LRRC2: variants seen among roughly 807,000 people sequenced by gnomAD.
LRRC2 encodes the protein leucine-rich repeat-containing protein 2.
Under a neutral mutation model 40.2 loss-of-function variants are expected in LRRC2, and 27 were observed. The ratio of observed to expected loss-of-function variants is 0.67; its 90% CI spans 0.49 to 0.93. The LOEUF is 0.93. LRRC2 is among the 40% of genes least tolerant of loss of function. The pLI is 0.00. For synonymous variants in LRRC2, 147 were observed against 158.9 expected, an observed-to-expected ratio of 0.92 and a Z score of 0.56; for missense variants, 402 against 439.6, an observed-to-expected ratio of 0.91 and a Z score of 0.76.
chr3:46,524,669 A>G (rs1313104628), intron 7 of LRRC2, among the ~76,000 whole-genome samples: 3 of 152,196 alleles, frequency 2.0e-5, no homozygotes, highest in African/African-American at 7.2e-5. Flanking sequence ...AGGCTGTTAT[A>G]AAGGATAAGT....
At position 46,532,834 on chromosome 3, in the gene LRRC2, CA is replaced by C. The variant is rs765842494; in HGVS notation, c.565del (p.Cys189ValfsTer4). 1.2e-6 allele frequency: 2 copies of C among 1,614,012 alleles called. No individual in the cohort carries two copies. The highest frequency in any genetic ancestry group is 1.7e-6 in the Non-Finnish European group (2 of 1,179,908). On this transcript the variant is annotated frameshift_variant, in exon 5 of 9. Coordinates refer to ENST00000395905, the MANE Select transcript of LRRC2 (RefSeq NM_024512.5). LOFTEE classifies it high-confidence loss of function. ...LKSIPPELGD[C>X]ENLERLDCSG... is the part of the protein sequence containing the mutation. ...ACAATCCAGTCTCTCTAGATTTTCACAATCTCCCAATTCTGGAGGAATGCTC... is the reference window on the plus strand; with the variant it reads ...ACAATCCAGTCTCTCTAGATTTTCACATCTCCCAATTCTGGAGGAATGCTC...
At chr3:46,530,277 T>C (rs1195170247) in intron 5 of LRRC2, among the ~76,000 whole-genome samples, 1 of 152,182 alleles carries the variant, frequency 6.6e-6, no homozygotes, top group Non-Finnish European at 1.5e-5. Context: ...GGATTTTATA[T>C]TGCTATAAAT....
intron 4 of LRRC2, among the ~76,000 whole-genome samples, chr3:46,538,460 C>A (rs1223120819): frequency 6.6e-6 from 1 of 151,856 alleles, no homozygotes; most frequent in Non-Finnish European, 1.5e-5. Flanking sequence ...CATGGTGAAA[C>A]CCCTTCTCTA....
intron 1 of LRRC2, among the ~76,000 whole-genome samples, chr3:46,564,489 G>A (rs1401569115): frequency 6.6e-6 from 1 of 152,154 alleles, no homozygotes; most frequent in Non-Finnish European, 1.5e-5. Context: ...TAGGTAGGAG[G>A]TGTGGAGTGG....
At chr3:46,529,676 C>T (rs1234210423) in intron 6 of LRRC2, among the ~76,000 whole-genome samples, 1 of 152,170 alleles carries the variant, frequency 6.6e-6, no homozygotes, top group East Asian at 1.9e-4. Context: ...TAAAGTTCAT[C>T]AGGACAATGA....
At chr3:46,556,233 T>C (rs572786843) in intron 1 of LRRC2, among the ~76,000 whole-genome samples, 45 of 151,794 alleles carry the variant, frequency 3.0e-4, no homozygotes, top group African/African-American at 1.1e-3. Flanking sequence ...AATCCTCCCA[T>C]CTCAGCCTCT....
At chr3:46,534,768 C>T (rs901831599) in intron 4 of LRRC2, among the ~76,000 whole-genome samples, 6 of 152,168 alleles carry the variant, frequency 3.9e-5, no homozygotes, top group African/African-American at 7.2e-5. Context: ...CTAGTAATCA[C>T]ACCTCCCTGA....
At chr3:46,557,694 G>C (rs1704839350) in intron 1 of LRRC2, 1 of 152,198 alleles carries the variant, frequency 6.6e-6, no homozygotes, top group Non-Finnish European at 1.5e-5. Flanking sequence ...GCACATCCAA[G>C]GAAGGGCCAA....
intron 5 of LRRC2, among the ~76,000 whole-genome samples, 174 bp downstream of exon 5, chr3:46,532,599 C>T (rs1476962564): frequency 1.5e-5 from 2 of 134,962 alleles, no homozygotes; most frequent in East Asian, 4.2e-4. Flanking sequence ...AGCAAGACTC[C>T]ACCTCAAAAA....
In LRRC2 at chr3:46,527,554, C is replaced by G. The variant is rs374252618; in HGVS notation, c.801G>C (p.Leu267Phe). The G allele has an allele frequency of 6.2e-7, 1 of 1,613,900 alleles. No homozygotes were observed. The highest frequency in any genetic ancestry group is 1.3e-5 in the African/African-American group (1 of 74,902). The stretch of plus-strand genomic sequence containing the variant: ...GAAGGTAGGTCAACTTGTTTTTATA[C>G]AAGAGAAAGCTCTGCAGCTCCTCTA... ...DRLEELQSFL[L>F]YKNKLTYLPY... is the part of the protein sequence containing the mutation. Residue 267 changes from leucine to phenylalanine, a missense_variant, in exon 7 of 9, where the codon TTG becomes TTC. Transcript: ENST00000395905.
intron 8 of LRRC2, among the ~76,000 whole-genome samples, chr3:46,520,285 T>G (rs914812893): frequency 6.6e-6 from 1 of 150,966 alleles, no homozygotes. Flanking sequence ...CCTATTTTCT[T>G]TCTTTCTTGG....
chr3:46,522,992 T>C (rs1159766457), intron 7 of LRRC2, among the ~76,000 whole-genome samples: 1 of 152,182 alleles, frequency 6.6e-6, no homozygotes, highest in African/African-American at 2.4e-5. Flanking sequence ...GGATTATAGA[T>C]GAGAGCTGTA....
intron 6 of LRRC2, among the ~76,000 whole-genome samples, chr3:46,529,443 T>G (rs1481616197): frequency 1.3e-5 from 2 of 152,178 alleles, no homozygotes; most frequent in Non-Finnish European, 1.5e-5. Flanking sequence ...ATATGTACAT[T>G]TTTAATTTGA....
intron 5 of LRRC2, among the ~76,000 whole-genome samples, chr3:46,531,780 C>T (rs563675235): frequency 6.6e-6 from 1 of 152,166 alleles, no homozygotes; most frequent in South Asian, 2.1e-4. Context: ...TTCCTCCTAC[C>T]CTGCAGCATT....
intron 2 of LRRC2, 84 bp from the exon 3 acceptor site, chr3:46,545,337 T>C: frequency 1.7e-6 from 2 of 1,163,042 alleles, no homozygotes; most frequent in Non-Finnish European, 1.3e-6. Flanking sequence ...CACCTGGGCA[T>C]AGGTGCTCTC....
intron 1 of LRRC2, among the ~76,000 whole-genome samples, chr3:46,552,213 T>C (rs13067782): frequency 0.48 from 73,268 of 151,628 alleles, 17,845 homozygotes; most frequent in South Asian, 0.6. Context: ...AATTCACTAG[T>C]ATATGTACCT....
chr3:46,539,053 G>A lies in LRRC2; in HGVS notation c.482C>T (p.Ala161Val). Residue 161 changes from alanine (A) to valine (V), a missense_variant, in exon 4 of 9, where the codon GCA becomes GTA. Transcript: ENST00000395905. ...CTGCTAAGTTGACATACCGATTTCT[G>A]CTGGAAGATGTGAGATTTGGTTTTT... ...LPKNQISHLP[A>V]EIGCLKNLKE... The A allele has an allele frequency of 1.2e-6, 2 of 1,613,640 alleles. No homozygotes were observed. Among genetic ancestry groups the A allele is most frequent in the Non-Finnish European group, 1.7e-6 (2 of 1,179,838 alleles).
chr3:46,530,143 G>A (rs1000567260), intron 5 of LRRC2, 93 bp from the exon 6 acceptor site: 2 of 1,050,066 alleles, frequency 1.9e-6, no homozygotes, highest in Non-Finnish European at 2.8e-6. Context: ...CTTCCCCAAA[G>A]GCATTTCTAT....
intron 8 of LRRC2, among the ~76,000 whole-genome samples, chr3:46,520,163 A>G (rs532935684): frequency 1.3e-5 from 2 of 148,514 alleles, no homozygotes; most frequent in African/African-American, 4.9e-5. Context: ...AATATTAAAT[A>G]ATATATTTAT....
Sources: gnomAD v4.1 joint callset for allele counts (sites outside exome capture counted in the v4.1 genomes callset) on GRCh38, gnomAD v4.1.1 for gene constraint, MANE v1.5 for transcripts, NCBI Gene and HGNC (gene_info 2026-07-23, HGNC 2026-07-21) for gene names.